Variants in EIF4ENIF1 observed in about 807,000 individuals in gnomAD.
The protein encoded by EIF4ENIF1 is eukaryotic translation initiation factor 4E transporter.
Under a neutral mutation model 110.5 loss-of-function variants are expected in EIF4ENIF1, and 23 were observed. The observed-to-expected ratio is 0.21, with a 90% CI of 0.15 to 0.29. The LOEUF is 0.29. EIF4ENIF1 is among the 10% of genes least tolerant of loss of function. The pLI is 1.00. For missense variants in EIF4ENIF1, 1,031 were observed against 1,221.1 expected (o/e 0.84, Z 2.32); for synonymous variants, 440 against 437.0 (o/e 1.01, Z -0.09).
chr22:31,477,990 T>C (rs1477493056), intron 2 of EIF4ENIF1, among the ~76,000 whole-genome samples: 1 of 152,194 alleles, frequency 6.6e-6, no homozygotes, highest in Non-Finnish European at 1.5e-5. Context: ...CTTCAAAAGA[T>C]TTCCAATGAA....
chr22:31,439,744 CAG>C lies in EIF4ENIF1; in HGVS notation c.*134_*135del. 7.9e-7 allele frequency: 1 copy of C among 1,271,576 alleles called. No homozygotes were observed. Among genetic ancestry groups the C allele is most frequent in the Non-Finnish European group, 1.1e-6 (1 of 938,106 alleles). 78.8% of individuals were successfully genotyped at this position (1,271,576 alleles called of 1,614,324 possible). ...CCTTCCATCATAATGCGGACCACACCAGATGCATGGGTTCCACCAAACAGCTT... is the reference window on the plus strand; with the variant it reads ...CCTTCCATCATAATGCGGACCACACCATGCATGGGTTCCACCAAACAGCTT... On this transcript the variant is annotated 3_prime_UTR_variant, in exon 19 of 19. Transcript: ENST00000330125.
Position 31,488,627 on chromosome 22 carries a change from G to C in EIF4ENIF1, c.92C>G (p.Thr31Arg). 6.2e-7 allele frequency: 1 copy of C among 1,614,056 alleles called. No homozygotes were observed. Among genetic ancestry groups the C allele is most frequent in the Non-Finnish European group, 8.5e-7 (1 of 1,179,986 alleles). The stretch of plus-strand genomic sequence containing the variant: ...TTCATTAGTGGCAAACCTTACTTTT[G>C]TATAGCGATGGGGGCATTTGGAGGC... The part of the protein sequence containing the change: ...PPASKCPHRY[T>R]KEELLDIKEL... Residue 31 changes from threonine to arginine, a missense_variant, in exon 2 of 19, where the codon ACA becomes AGA. Thr to Arg is a moderately conservative substitution (Grantham distance 71, BLOSUM62 -1). Transcript: ENST00000330125.
chr22:31,468,128 A>G, intron 4 of EIF4ENIF1, 47 bp downstream of exon 4: 2 of 1,592,878 alleles, frequency 1.3e-6, no homozygotes, highest in Non-Finnish European at 1.7e-6. Flanking sequence ...AGGCAAAAGC[A>G]TGTCCCCAAA....
chr22:31,491,395 G>C (rs1018083135), upstream of EIF4ENIF1, among the ~76,000 whole-genome samples: 57 of 152,252 alleles, frequency 3.7e-4, no homozygotes, highest in African/African-American at 1.4e-3. Flanking sequence ...TGGAGTAGTG[G>C]AGAAGGCCCG....
chr22:31,447,231 A>G (rs1176693033), intron 14 of EIF4ENIF1, among the ~76,000 whole-genome samples, 195 bp downstream of exon 14: 1 of 152,262 alleles, frequency 6.6e-6, no homozygotes, highest in Admixed American at 6.5e-5. Context: ...TGAAAGCCCT[A>G]TGCCTTGCAG....
chr22:31,476,311 C>T (rs1258301335), intron 2 of EIF4ENIF1, among the ~76,000 whole-genome samples: 2 of 152,098 alleles, frequency 1.3e-5, no homozygotes, highest in Admixed American at 6.6e-5. Flanking sequence ...CCAAAGGTAA[C>T]AGGGATCCCA....
chr22:31,476,836 A>G (rs2051590366), intron 2 of EIF4ENIF1, among the ~76,000 whole-genome samples: 2 of 141,024 alleles, frequency 1.4e-5, no homozygotes, highest in African/African-American at 4.9e-5. Context: ...ATTCTGTGTC[A>G]AACAAACAAA....
At position 31,449,334 on chromosome 22, in the gene EIF4ENIF1, A is replaced by G; in HGVS notation, c.1768+14T>C. 6.8e-6 allele frequency: 11 copies of G among 1,611,122 alleles called. No homozygotes were observed. Among genetic ancestry groups the G allele is most frequent in the Non-Finnish European group, 8.5e-6 (10 of 1,178,630 alleles). On this transcript the variant is annotated intron_variant, in intron 12 of 18. Transcript: ENST00000330125. ...CATAAATTCATATTTCTTTTGACAA[A>G]TAAGTATATTTACCAATTGGTGATG...
chr22:31,474,084 G>A (rs1400971306), intron 2 of EIF4ENIF1, among the ~76,000 whole-genome samples: 4 of 149,464 alleles, frequency 2.7e-5, no homozygotes, highest in Non-Finnish European at 4.4e-5. Flanking sequence ...TTTTGAGACA[G>A]TCTTGCTCTA....
intron 2 of EIF4ENIF1, among the ~76,000 whole-genome samples, chr22:31,483,161 G>T (rs143252649): frequency 2.1e-4 from 31 of 149,398 alleles, no homozygotes; most frequent in African/African-American, 7.6e-4. Flanking sequence ...GTGAACAAGG[G>T]CTTCTGGTGA....
intron 10 of EIF4ENIF1, 116 bp downstream of exon 10, chr22:31,454,028 A>C (rs978342563): frequency 4.9e-5 from 42 of 854,212 alleles, no homozygotes; most frequent in Non-Finnish European, 7.5e-5. Flanking sequence ...GGACCAAATG[A>C]CTACTAAAGA....
chr22:31,439,693 G>T lies in EIF4ENIF1; in HGVS notation c.*187C>A. The T allele has an allele frequency of 1.3e-6, 1 of 751,694 alleles. No homozygotes were observed. The highest frequency in any genetic ancestry group is 2.1e-6 in the Non-Finnish European group (1 of 481,028). 46.6% of individuals were successfully genotyped at this position (751,694 alleles called of 1,614,324 possible). The stretch of plus-strand genomic sequence containing the variant: ...ATTGTGCATCCTGTATTCAGACAAT[G>T]TACACTCCACTCGACTGGTTAAGAT... On this transcript the variant is annotated 3_prime_UTR_variant, in exon 19 of 19. Coordinates refer to ENST00000330125, the MANE Select transcript of EIF4ENIF1 (RefSeq NM_019843.4).
At chr22:31,439,180 T>C (rs1210824116), downstream of EIF4ENIF1, among the ~76,000 whole-genome samples, 1 of 152,204 alleles carries the variant, frequency 6.6e-6, no homozygotes, top group African/African-American at 2.4e-5. Flanking sequence ...GTTAGTGGCA[T>C]GTGCCTGTAG....
chr22:31,475,680 G>A (rs926078439), intron 2 of EIF4ENIF1, among the ~76,000 whole-genome samples: 9 of 148,888 alleles, frequency 6.0e-5, no homozygotes, highest in East Asian at 2.0e-4. Context: ...CTGAGTTCGC[G>A]CCACTGCACT....
chr22:31,453,076 ACTTAGCAACTAG>A (rs1288510718), intron 10 of EIF4ENIF1, among the ~76,000 whole-genome samples: 2 of 152,224 alleles, frequency 1.3e-5, no homozygotes, highest in Non-Finnish European at 2.9e-5. Context: ...ATTTGCTATA[ACTTAGCAACTAG>A]AATAAGTCCA....
intron 1 of EIF4ENIF1, chr22:31,489,345 C>G (rs568729353): frequency 6.6e-6 from 1 of 152,656 alleles, no homozygotes; most frequent in Non-Finnish European, 1.5e-5. Context: ...CACGCAGGCC[C>G]GGGCCCAGCG....
chr22:31,488,001 G>A (rs2052109712), intron 2 of EIF4ENIF1, among the ~76,000 whole-genome samples: 1 of 151,958 alleles, frequency 6.6e-6, no homozygotes, highest in Non-Finnish European at 1.5e-5. Context: ...ACATTCAGTA[G>A]CCAACAAGAC....
chr22:31,464,819 A>G (rs2051133214), intron 4 of EIF4ENIF1, among the ~76,000 whole-genome samples: 2 of 148,818 alleles, frequency 1.3e-5, no homozygotes, highest in African/African-American at 4.9e-5. Flanking sequence ...ATAGGAGGAA[A>G]TCCTTGTGGC....
At chr22:31,459,493 T>C (rs758722605) in intron 6 of EIF4ENIF1, among the ~76,000 whole-genome samples, 2 of 152,180 alleles carry the variant, frequency 1.3e-5, no homozygotes, top group South Asian at 2.1e-4. Context: ...TTGCCCTGCC[T>C]ACCCATTTTT....
Sources: gnomAD v4.1 joint callset for allele counts (sites outside exome capture counted in the v4.1 genomes callset) on GRCh38, gnomAD v4.1.1 for gene constraint, MANE v1.5 for transcripts, NCBI Gene and HGNC (gene_info 2026-07-23, HGNC 2026-07-21) for gene names.